Variants in FAM3C observed in about 807,000 individuals in gnomAD.
FAM3C encodes protein FAM3C.
Under a neutral mutation model 32.5 loss-of-function variants are expected in FAM3C, and 15 were observed. The observed-to-expected ratio is 0.46, with a 90% confidence interval of 0.31 to 0.71. FAM3C has a LOEUF of 0.71. Among genes scored for constraint, FAM3C ranks in the 30% least tolerant of loss-of-function variants. The pLI is 0.05. For missense variants in FAM3C, 175 were observed against 274.4 expected, an observed-to-expected ratio of 0.64 and a Z score of 2.56; for synonymous variants, 75 against 86.1, an observed-to-expected ratio of 0.87 and a Z score of 0.72.
chr7:121,375,746 T>C (rs1400036636), intron 3 of FAM3C, among the ~76,000 whole-genome samples: 1 of 152,154 alleles, frequency 6.6e-6, no homozygotes, highest in Non-Finnish European at 1.5e-5. Context: ...CAATCTTCTT[T>C]CTAAAAACAG....
At chr7:121,383,711 A>AC (rs1421918315) in intron 1 of FAM3C, among the ~76,000 whole-genome samples, 1 of 152,202 alleles carries the variant, frequency 6.6e-6, no homozygotes, top group African/African-American at 2.4e-5. Flanking sequence ...CTGGAAAAAA[A>AC]TCTGTATGTG....
chr7:121,384,782 A>G (rs1234775120), intron 1 of FAM3C, among the ~76,000 whole-genome samples: 1 of 152,220 alleles, frequency 6.6e-6, no homozygotes, highest in Non-Finnish European at 1.5e-5. Context: ...ATCTCATCAA[A>G]TTAAATCTCA....
At chr7:121,388,046 A>G (rs930836928) in intron 1 of FAM3C, among the ~76,000 whole-genome samples, 2 of 152,132 alleles carry the variant, frequency 1.3e-5, no homozygotes, top group Non-Finnish European at 1.5e-5. Flanking sequence ...AAATATTAAC[A>G]TTTAAAAACT....
intron 5 of FAM3C, among the ~76,000 whole-genome samples, chr7:121,371,008 T>A (rs1171468176): frequency 1.3e-5 from 2 of 152,200 alleles, no homozygotes. Flanking sequence ...AATAGCCACA[T>A]GTGTTCTGTT....
chr7:121,390,039 T>A (rs550846076), intron 1 of FAM3C, among the ~76,000 whole-genome samples: 5 of 152,332 alleles, frequency 3.3e-5, no homozygotes, highest in African/African-American at 1.2e-4. Flanking sequence ...GGACACCTTA[T>A]ATAAACTCCT....
chr7:121,360,708 C>T lies in FAM3C; in HGVS notation c.383-581G>A, dbSNP rs144696426. On this transcript the variant is annotated intron_variant, in intron 7 of 9. Coordinates refer to ENST00000359943, the MANE Select transcript of FAM3C (RefSeq NM_014888.3). The stretch of plus-strand genomic sequence containing the variant: ...AATTAGCCGAGCTTGGTGGCACATG[C>T]CTGTAGTCCTAGCTACTCAGGAAGT... 6.4e-4 allele frequency among the ~76,000 whole-genome samples: 98 copies of T among 152,166 alleles called. No individual in the cohort carries two copies. In the East Asian group the frequency reaches 0.016, roughly 25 times the overall value.
At chr7:121,362,549 T>C (rs1467719916) in intron 7 of FAM3C, among the ~76,000 whole-genome samples, 1 of 152,146 alleles carries the variant, frequency 6.6e-6, no homozygotes, top group East Asian at 1.9e-4. Context: ...TTGGTTATTC[T>C]GGTCTTCAAA....
intron 2 of FAM3C, among the ~76,000 whole-genome samples, chr7:121,381,076 C>T (rs1387293193): frequency 6.6e-6 from 1 of 152,124 alleles, no homozygotes; most frequent in Non-Finnish European, 1.5e-5. Flanking sequence ...ACAGAGATCG[C>T]CCCCAAAGCT....
At chr7:121,364,329 T>A (rs1793982929) in intron 5 of FAM3C, 141 bp from the exon 6 acceptor site, 2 of 613,528 alleles carry the variant, frequency 3.3e-6, no homozygotes, top group South Asian at 4.3e-5. Flanking sequence ...TAAAAAGATC[T>A]CTACTAAGTC....
chr7:121,383,080 A>G, intron 1 of FAM3C, 70 bp from the exon 2 acceptor site: 1 of 792,296 alleles, frequency 1.3e-6, no homozygotes, highest in Non-Finnish European at 2.1e-6. Context: ...ATTGAGTTTG[A>G]AATGGGGCAT....
Position 121,371,401 on chromosome 7 carries a change from C to T in FAM3C, c.171G>A (p.Lys57=). ...AARSTKPPRY[K]CGISKACPEK... ...CAGGGCAAGCTTTTGAGATCCCACA[C>T]TTATATCTGGGAGGCTTTGTAGCTT... is the stretch of plus-strand genomic sequence containing the variant. The change falls in exon 5 of 10, where the codon AAG becomes AAA. Residue 57 remains lysine, a synonymous_variant. Transcript: ENST00000359943. The T allele has an allele frequency of 6.2e-7, 1 of 1,613,874 alleles. No homozygotes were observed. The highest frequency in any genetic ancestry group is 8.5e-7 in the Non-Finnish European group (1 of 1,179,796).
chr7:121,351,281 A>G lies in FAM3C; in HGVS notation c.468-12T>C. On this transcript the variant is annotated splice_polypyrimidine_tract_variant and intron_variant, in intron 8 of 9. Coordinates refer to ENST00000359943, the MANE Select transcript of FAM3C (RefSeq NM_014888.3). ...CCTCATCATTGAGTCTTGAAGAGGG[A>G]GAGAAAGAATACAACAATAAACAGA... 6.2e-7 allele frequency: 1 copy of G among 1,612,160 alleles called. No homozygotes were observed. The highest frequency in any genetic ancestry group is 2.2e-5 in the East Asian group (1 of 44,848).
intron 6 of FAM3C, 82 bp from the exon 7 acceptor site, chr7:121,363,029 G>T: frequency 3.0e-6 from 2 of 674,734 alleles, no homozygotes; most frequent in Admixed American, 5.5e-5. Flanking sequence ...TCCAATGATT[G>T]ATGTGAATTC....
At chr7:121,386,314 G>A (rs1009282007) in intron 1 of FAM3C, among the ~76,000 whole-genome samples, 2 of 152,114 alleles carry the variant, frequency 1.3e-5, no homozygotes, top group African/African-American at 4.8e-5. Flanking sequence ...CTTCAACTCA[G>A]TGCTGGACAA....
At position 121,371,907 on chromosome 7, in the gene FAM3C, C is replaced by T. The variant is rs556030507; in HGVS notation, c.148+203G>A. Among the ~76,000 whole-genome samples the T allele has an allele frequency of 3.3e-5, 5 of 152,180 alleles. No homozygotes were observed. The East Asian group carries it at 5.8e-4, about 18-fold the overall frequency. On this transcript the variant is annotated intron_variant, in intron 4 of 9. Transcript: ENST00000359943. ...ACACCAATTTCTGTACTTATAATAA[C>T]GGAGCTAAAAAACACAAAATATCCA...
intron 3 of FAM3C, among the ~76,000 whole-genome samples, chr7:121,374,117 A>G (rs1479967805): frequency 6.6e-6 from 1 of 152,224 alleles, no homozygotes. Flanking sequence ...ACAACACTAC[A>G]TTACACCACA....
intron 5 of FAM3C, 97 bp downstream of exon 5, chr7:121,371,203 G>A: frequency 7.2e-7 from 1 of 1,387,788 alleles, no homozygotes; most frequent in Non-Finnish European, 1.0e-6. Flanking sequence ...CATTAATAAA[G>A]TATACCGAAC....
In FAM3C at chr7:121,351,075, A is replaced by C. The variant is rs186189838; in HGVS notation, c.594+68T>G. 4.3e-6 allele frequency: 6 copies of C among 1,396,376 alleles called. No homozygotes were observed. The African/African-American group carries it at 8.6e-5, about 20-fold the overall frequency. The allele number at this position is 1,396,376 out of a possible 1,614,324, so 86.5% of individuals were successfully genotyped here. ...TTTATCTAATTTTCAAATAGCTGGG[A>C]TGGGAAAATGTACCGTAAGGTTTCA... is the stretch of plus-strand genomic sequence containing the variant. On this transcript the variant is annotated intron_variant, in intron 9 of 9. Transcript: ENST00000359943.
intron 8 of FAM3C, chr7:121,351,494 C>T: frequency 2.3e-6 from 1 of 432,868 alleles, no homozygotes; most frequent in South Asian, 5.8e-5. Flanking sequence ...ATTAAAAGGA[C>T]CTGTTAGGTT....
Sources: allele counts gnomAD v4.1 joint callset (sites outside exome capture counted in the v4.1 genomes callset), GRCh38; gene constraint gnomAD v4.1.1; transcripts MANE v1.5; gene names NCBI Gene and HGNC (gene_info 2026-07-23, HGNC 2026-07-21).